OSBPL6: variants seen among roughly 807,000 people sequenced by gnomAD.
OSBPL6 encodes the protein oxysterol binding protein like 6.
Under a neutral mutation model 125.8 loss-of-function variants are expected in OSBPL6, and 49 were observed. The ratio of observed to expected loss-of-function variants is 0.39; its 90% confidence interval spans 0.31 to 0.49. The LOEUF (loss-of-function observed/expected upper bound fraction) is 0.49. OSBPL6 is among the 20% of genes least tolerant of loss of function. The pLI is 0.88. For missense variants in OSBPL6, 986 were observed against 1,135.4 expected (o/e 0.87, Z 1.89); for synonymous variants, 394 against 391.8 (o/e 1.01, Z -0.07).
At chr2:178,237,185 A>T (rs893661207) in intron 1 of OSBPL6, among the ~76,000 whole-genome samples, 1 of 152,154 alleles carries the variant, frequency 6.6e-6, no homozygotes, top group Non-Finnish European at 1.5e-5. Context: ...ATTACTTAAT[A>T]ATCCTTTCGT....
chr2:178,359,622 A>G (rs758742452), intron 12 of OSBPL6, among the ~76,000 whole-genome samples: 2 of 152,242 alleles, frequency 1.3e-5, no homozygotes, highest in African/African-American at 2.4e-5. Flanking sequence ...TTGCAGCATT[A>G]TTCACAATAG....
chr2:178,400,605 T>G lies in OSBPL6; in HGVS notation c.*5046T>G, dbSNP rs1696076972. The G allele has an allele frequency of 6.6e-6, 1 of 152,190 alleles. No individual in the cohort carries two copies. The highest frequency in any genetic ancestry group is 1.5e-5 in the Non-Finnish European group (1 of 68,034). The allele number at this position is 152,190 out of a possible 1,614,324, so 9.4% of individuals were successfully genotyped here. A position where few individuals can be genotyped will look rare whatever the true frequency, so the allele number is the denominator to read the frequency against. ...CCTGGACTCAAGTTCTTTTTAAAGC[T>G]TGATTAAGGTATAACCGACATATAA... On this transcript the variant is annotated 3_prime_UTR_variant, in exon 25 of 25. Coordinates refer to ENST00000190611, the MANE Select transcript of OSBPL6 (RefSeq NM_032523.4).
chr2:178,233,017 C>T (rs1035479658), intron 1 of OSBPL6, among the ~76,000 whole-genome samples: 3 of 152,198 alleles, frequency 2.0e-5, no homozygotes, highest in Non-Finnish European at 4.4e-5. Context: ...AAGCTAATTC[C>T]TGATGGCCTG....
intron 12 of OSBPL6, among the ~76,000 whole-genome samples, chr2:178,355,222 G>A (rs531899347): frequency 5.0e-4 from 76 of 152,214 alleles, no homozygotes; most frequent in African/African-American, 1.6e-3. Flanking sequence ...CAGAAGGCAC[G>A]AAATAACTAA....
intron 15 of OSBPL6, among the ~76,000 whole-genome samples, chr2:178,376,746 G>C (rs1024360182): frequency 1.3e-5 from 2 of 152,130 alleles, no homozygotes; most frequent in African/African-American, 4.8e-5. Context: ...CCTTCCAACA[G>C]CCAAAGGAAT....
At position 178,383,456 on chromosome 2, in the gene OSBPL6, G is replaced by A. The variant is rs7580575; in HGVS notation, c.1875+179G>A. On this transcript the variant is annotated intron_variant, in intron 17 of 24. Transcript: ENST00000190611. ...CCAAAACCTCCCAGATACCAACACAGGAAGACACACTTTTTGTGCCTTATC... is the reference window on the plus strand; with the variant it reads ...CCAAAACCTCCCAGATACCAACACAAGAAGACACACTTTTTGTGCCTTATC... 6.6e-3 allele frequency among the ~76,000 whole-genome samples: 998 copies of A among 152,278 alleles called. 6 individuals are homozygous for A. The highest frequency in any genetic ancestry group is 0.023 in the African/African-American group (948 of 41,554).
At chr2:178,263,924 C>T (rs1482677984) in intron 1 of OSBPL6, among the ~76,000 whole-genome samples, 1 of 151,958 alleles carries the variant, frequency 6.6e-6, no homozygotes, top group Non-Finnish European at 1.5e-5. Context: ...CCTGAAGCTT[C>T]TTCTTTCTGC....
Position 178,222,362 on chromosome 2 carries a change from C to T in OSBPL6, c.-351+27688C>T, listed in dbSNP as rs924365105. Among the ~76,000 whole-genome samples, 7 of 152,256 alleles carry T rather than the reference C, an allele frequency of 4.6e-5. 1 individual carries two copies. The South Asian group carries it at 6.2e-4, about 14-fold the overall frequency. On this transcript the variant is annotated intron_variant, in intron 1 of 24. Coordinates refer to ENST00000190611, the MANE Select transcript of OSBPL6 (RefSeq NM_032523.4). ...GTTTGCTGATAAAATAAAACAGAATCGGCTGGGCGCGGTGGCTCACACCTG... is the reference window on the plus strand; with the variant it reads ...GTTTGCTGATAAAATAAAACAGAATTGGCTGGGCGCGGTGGCTCACACCTG...
chr2:178,358,207 T>A (rs1483397627), intron 12 of OSBPL6, among the ~76,000 whole-genome samples: 1 of 152,156 alleles, frequency 6.6e-6, no homozygotes, highest in African/African-American at 2.4e-5. Context: ...GTTGTGCACA[T>A]GTACCCTAGA....
chr2:178,365,927 G>T (rs571967090), intron 13 of OSBPL6, among the ~76,000 whole-genome samples: 2 of 152,136 alleles, frequency 1.3e-5, no homozygotes, highest in African/African-American at 4.8e-5. Context: ...GTCTTCCTCT[G>T]TTGCCCTGTT....
chr2:178,244,837 G>T (rs2091433860), intron 1 of OSBPL6, among the ~76,000 whole-genome samples: 1 of 152,146 alleles, frequency 6.6e-6, no homozygotes, highest in Non-Finnish European at 1.5e-5. Context: ...GTACAGAACA[G>T]CAAAAATAAT....
At chr2:178,263,290 C>T (rs780428194) in intron 1 of OSBPL6, among the ~76,000 whole-genome samples, 26 of 152,146 alleles carry the variant, frequency 1.7e-4, no homozygotes, top group Non-Finnish European at 3.7e-4. Flanking sequence ...ACTAGCCTGA[C>T]GGACATGGTG....
chr2:178,307,665 A>G (rs934431572), intron 3 of OSBPL6, among the ~76,000 whole-genome samples: 1 of 151,596 alleles, frequency 6.6e-6, no homozygotes, highest in South Asian at 2.1e-4. Context: ...AATTTAGTCT[A>G]CCTTTGCCTG....
Position 178,216,668 on chromosome 2 carries a change from G to A in OSBPL6, c.-351+21994G>A, listed in dbSNP as rs114296635. 8.6e-3 allele frequency among the ~76,000 whole-genome samples: 1,310 copies of A among 152,308 alleles called. 14 individuals carry two copies. The highest frequency in any genetic ancestry group is 0.017 in the Admixed American group (259 of 15,294). On this transcript the variant is annotated intron_variant, in intron 1 of 24. Coordinates refer to ENST00000190611, the MANE Select transcript of OSBPL6 (RefSeq NM_032523.4). ...TGGATGCTAAGAATGGAGGCTTGAG[G>A]AACAGGATATTGGCATAGTCTCATA... is the stretch of plus-strand genomic sequence containing the variant.
At chr2:178,323,543 A>C (rs1157539482) in intron 3 of OSBPL6, 1 of 151,126 alleles carries the variant, frequency 6.6e-6, no homozygotes, top group Non-Finnish European at 1.5e-5. Flanking sequence ...GCTCACTGCA[A>C]CCTCCGTCTC....
intron 1 of OSBPL6, among the ~76,000 whole-genome samples, chr2:178,205,738 G>A (rs1441919853): frequency 6.6e-6 from 1 of 152,172 alleles, no homozygotes; most frequent in African/African-American, 2.4e-5. Flanking sequence ...GAAGTTACAT[G>A]TAGTCACTTA....
intron 22 of OSBPL6, 48 bp downstream of exon 22, chr2:178,391,265 C>A (rs1575054264): frequency 6.6e-7 from 1 of 1,519,944 alleles, no homozygotes; most frequent in South Asian, 1.4e-5. Flanking sequence ...CTATGGACAA[C>A]AGAAGGGAAG....
intron 1 of OSBPL6, among the ~76,000 whole-genome samples, chr2:178,241,108 C>A (rs538134296): frequency 6.6e-5 from 10 of 151,964 alleles, no homozygotes; most frequent in Admixed American, 5.9e-4. Context: ...TGTACTAATG[C>A]CACTCTGCAT....
At chr2:178,381,927 T>C (rs1694514646) in intron 15 of OSBPL6, among the ~76,000 whole-genome samples, 2 of 152,224 alleles carry the variant, frequency 1.3e-5, no homozygotes, top group Admixed American at 1.3e-4. Flanking sequence ...GGGCCTTACC[T>C]TTGCACGATC....
Sources: allele counts gnomAD v4.1 joint callset (sites outside exome capture counted in the v4.1 genomes callset), GRCh38; gene constraint gnomAD v4.1.1; transcripts MANE v1.5; gene names NCBI Gene and HGNC (gene_info 2026-07-23, HGNC 2026-07-21).